The following EVA1A variants were observed in gnomAD, a reference collection of about 807,000 sequenced individuals.
The protein encoded by EVA1A is eva-1 homolog A, regulator of programmed cell death, also known as protein eva-1 homolog A.
EVA1A carries 7 observed loss-of-function variants against 9.8 expected under a neutral mutation model. That is an observed-to-expected ratio of 0.71 (90% confidence interval 0.41 to 1.34). The LOEUF is 1.34. Among genes scored for constraint, EVA1A ranks in the 40% most tolerant of loss-of-function variants. EVA1A has a pLI of 0.01. For missense variants in EVA1A, 206 were observed against 205.9 expected (o/e 1.00, Z 0.00); for synonymous variants, 90 against 85.6 (o/e 1.05, Z -0.28).
At position 75,493,502 on chromosome 2, in the gene EVA1A, G is replaced by A. The variant is rs1674101302; in HGVS notation, c.193C>T (p.Arg65Trp). 1.2e-5 allele frequency: 19 copies of A among 1,614,216 alleles called. No homozygotes were observed. The highest frequency in any genetic ancestry group is 1.6e-4 in the Middle Eastern group (1 of 6,062). ...TGCAGGAACTTCTTCCCGGGACGCC[G>A]CCTGCAGTCTGTGTGGCAAGAGATC... ...IRISCHTDCR[R>W]RPGKKFLQDR... The change falls in exon 4 of 4, where the codon CGG becomes TGG. Residue 65 changes from arginine (R) to tryptophan (W), a missense_variant. Transcript: ENST00000393913.
intron 3 of EVA1A, among the ~76,000 whole-genome samples, chr2:75,501,751 GA>G (rs1321236146): frequency 2.0e-5 from 3 of 152,196 alleles, no homozygotes; most frequent in African/African-American, 7.2e-5. Context: ...ATGGATAGAG[GA>G]AAGGACCCTG....
rs554378888 is a variant in EVA1A, at chr2:75,550,793, T to A, written c.-192+9887A>T. Among the ~76,000 whole-genome samples, 4 of 152,286 alleles carry A rather than the reference T, an allele frequency of 2.6e-5. No individual in the cohort carries two copies. The South Asian group carries it at 8.3e-4, about 32-fold the overall frequency. On this transcript the variant is annotated intron_variant, in intron 1 of 3. Transcript: ENST00000393913. ...AGAGAAGCAAACATGGAGACACCTC[T>A]CCCAGCGTGCATAGTCCATTTGTGA...
chr2:75,539,096 A>G (rs1676021235), intron 1 of EVA1A, among the ~76,000 whole-genome samples: 1 of 152,258 alleles, frequency 6.6e-6, no homozygotes, highest in Non-Finnish European at 1.5e-5. Context: ...ATTTTAATGC[A>G]TAATCTTTAG....
intron 3 of EVA1A, among the ~76,000 whole-genome samples, chr2:75,512,274 A>G (rs1014071047): frequency 6.6e-6 from 1 of 152,178 alleles, no homozygotes; most frequent in East Asian, 1.9e-4. Context: ...TCTGGTCCCA[A>G]TGAGTTCCTT....
chr2:75,533,571 C>A (rs1675756852), intron 1 of EVA1A, among the ~76,000 whole-genome samples: 1 of 152,102 alleles, frequency 6.6e-6, no homozygotes, highest in Non-Finnish European at 1.5e-5. Flanking sequence ...AATAGGCTTT[C>A]CTTTTCCTCA....
Position 75,493,395 on chromosome 2 carries a change from G to C in EVA1A, c.300C>G (p.His100Gln), listed in dbSNP as rs146541154. The C allele has an allele frequency of 4.3e-6, 7 of 1,614,236 alleles. No homozygotes were observed. In the East Asian group the frequency reaches 1.6e-4, roughly 36 times the overall value. The change falls in exon 4 of 4, where the codon CAC becomes CAG. Residue 100 changes from histidine to glutamine, a missense_variant. Transcript: ENST00000393913. ...TGTTCAAAGTCCTCTCGAAGCGGCG[G>C]TGTCTCCGCACGGAGAGATCGGACA... ...DTVSDLSVRR[H>Q]RRFERTLNKN...
intron 1 of EVA1A, among the ~76,000 whole-genome samples, chr2:75,529,851 C>T (rs1572970433): frequency 6.6e-6 from 1 of 151,986 alleles, no homozygotes; most frequent in Admixed American, 6.6e-5. Context: ...GAAACAAGAA[C>T]AAACCAAACC....
intron 1 of EVA1A, among the ~76,000 whole-genome samples, chr2:75,535,625 C>G (rs533172245): frequency 6.6e-6 from 1 of 152,258 alleles, no homozygotes; most frequent in East Asian, 1.9e-4. Context: ...AACATAATGT[C>G]TTTTGCAGCA....
chr2:75,524,702 G>A (rs1298148314), intron 1 of EVA1A, among the ~76,000 whole-genome samples: 1 of 151,826 alleles, frequency 6.6e-6, no homozygotes, highest in Non-Finnish European at 1.5e-5. Flanking sequence ...AGAAATAGAG[G>A]GCACCCTACA....
chr2:75,553,717 A>G (rs1315424612), intron 1 of EVA1A, among the ~76,000 whole-genome samples: 8 of 152,218 alleles, frequency 5.3e-5, no homozygotes, highest in Non-Finnish European at 8.8e-5. Context: ...AAGTTCCACA[A>G]GATCCTACAG....
At chr2:75,524,518 T>C (rs1348655008) in intron 1 of EVA1A, among the ~76,000 whole-genome samples, 1 of 152,098 alleles carries the variant, frequency 6.6e-6, no homozygotes, top group Non-Finnish European at 1.5e-5. Flanking sequence ...CCCTACAGGC[T>C]AGTGCTTCTG....
intron 3 of EVA1A, among the ~76,000 whole-genome samples, chr2:75,504,926 C>A (rs1438881490): frequency 6.6e-6 from 1 of 152,282 alleles, no homozygotes; most frequent in South Asian, 2.1e-4. Flanking sequence ...AACAAACCTG[C>A]ATGTTCTGCA....
chr2:75,493,597 C>T lies in EVA1A; in HGVS notation c.98G>A (p.Arg33Gln), dbSNP rs780949177. The T allele has an allele frequency of 1.9e-6, 3 of 1,589,820 alleles. No individual in the cohort carries two copies. Among genetic ancestry groups the T allele is most frequent in the African/African-American group, 1.3e-5 (1 of 74,310 alleles). ...GCCAGAAACAAAGTACAGAGCTGCTCGCTCAGGATTTTCTGGAGGAAGAAG... is the reference window on the plus strand; with the variant it reads ...GCCAGAAACAAAGTACAGAGCTGCTTGCTCAGGATTTTCTGGAGGAAGAAG... ...AYSFVSENPE[R>Q]AALYFVSGVC... The change falls in exon 4 of 4, where the codon CGA becomes CAA. Residue 33 changes from arginine to glutamine, a missense_variant. By Grantham distance (43) the Arg-to-Gln change is conservative. Coordinates refer to ENST00000393913, the MANE Select transcript of EVA1A (RefSeq NM_001135032.2).
intron 1 of EVA1A, among the ~76,000 whole-genome samples, chr2:75,543,726 A>C (rs900190234): frequency 3.9e-5 from 6 of 152,128 alleles, no homozygotes; most frequent in African/African-American, 1.4e-4. Context: ...CTAGTCCTAC[A>C]ACCACATAGG....
chr2:75,509,641 A>G (rs1674741862), intron 3 of EVA1A, among the ~76,000 whole-genome samples: 1 of 152,176 alleles, frequency 6.6e-6, no homozygotes, highest in South Asian at 2.1e-4. Context: ...AATTGTATTT[A>G]CTGTAGATAA....
upstream of EVA1A, among the ~76,000 whole-genome samples, chr2:75,561,911 G>A (rs948432506): frequency 6.6e-6 from 1 of 152,058 alleles, no homozygotes; most frequent in African/African-American, 2.4e-5. Flanking sequence ...GATGAGGAGA[G>A]GATGAAGGAG....
In EVA1A at chr2:75,492,394, TTTC is replaced by T. The variant is rs925626641; in HGVS notation, c.*839_*841del. 9 of 142,868 alleles carry T rather than the reference TTTC, an allele frequency of 6.3e-5. No homozygotes were observed. Among genetic ancestry groups the T allele is most frequent in the Admixed American group, 4.4e-4 (6 of 13,674 alleles). 8.9% of individuals were successfully genotyped at this position (142,868 alleles called of 1,614,324 possible). A position where few individuals can be genotyped will look rare whatever the true frequency, so the allele number is the denominator to read the frequency against. On this transcript the variant is annotated 3_prime_UTR_variant, in exon 4 of 4. Transcript: ENST00000393913. ...AATCCTTACCTCTCATTTCCATTCT[TTTC>T]TTTGAAATCCAATTAAAAAAAAAAA...
intron 1 of EVA1A, among the ~76,000 whole-genome samples, chr2:75,533,235 G>A (rs947287631): frequency 3.3e-5 from 5 of 151,338 alleles, no homozygotes; most frequent in African/African-American, 4.9e-5. Flanking sequence ...TGAGAAAAAC[G>A]GCGTCCTAGC....
At chr2:75,505,438 C>G (rs1237829245) in intron 3 of EVA1A, among the ~76,000 whole-genome samples, 1 of 152,112 alleles carries the variant, frequency 6.6e-6, no homozygotes, top group Non-Finnish European at 1.5e-5. Context: ...ATTCATTGAA[C>G]TAAATTATGA....
Sources: gnomAD v4.1 joint callset for allele counts (sites outside exome capture counted in the v4.1 genomes callset) on GRCh38, gnomAD v4.1.1 for gene constraint, MANE v1.5 for transcripts, NCBI Gene and HGNC (gene_info 2026-07-23, HGNC 2026-07-21) for gene names.